The following NCKAP5 variants were observed in gnomAD, a reference collection of about 807,000 sequenced individuals.
NCKAP5 encodes nck-associated protein 5.
NCKAP5 carries 92 observed loss-of-function variants against 167.0 expected under a neutral mutation model. That is an observed-to-expected ratio of 0.55 (90% CI 0.47 to 0.66). The LOEUF (loss-of-function observed/expected upper bound fraction) is 0.66. NCKAP5 is among the 30% of genes least tolerant of loss of function. The pLI is 0.00. For synonymous variants in NCKAP5, 891 were observed against 877.4 expected, an observed-to-expected ratio of 1.02 and a Z score of -0.27; for missense variants, 2,378 against 2,315.0, an observed-to-expected ratio of 1.03 and a Z score of -0.56.
chr2:132,918,829 T>G (rs990132511), intron 8 of NCKAP5, among the ~76,000 whole-genome samples: 2 of 152,202 alleles, frequency 1.3e-5, no homozygotes, highest in African/African-American at 4.8e-5. Context: ...GCTTCCTGAA[T>G]TACATAGTAA....
chr2:133,544,823 A>C (rs1686524174), intron 2 of NCKAP5, among the ~76,000 whole-genome samples: 1 of 152,226 alleles, frequency 6.6e-6, no homozygotes, highest in Admixed American at 6.5e-5. Flanking sequence ...TCAGTTCAGA[A>C]AGGCAGAGAA....
At chr2:133,566,679 A>G (rs1271897231) in intron 1 of NCKAP5, among the ~76,000 whole-genome samples, 1 of 152,164 alleles carries the variant, frequency 6.6e-6, no homozygotes. Context: ...CAGGAAGCTC[A>G]GTTTCTAGTT....
chr2:132,752,994 T>G (rs905109870), intron 16 of NCKAP5, among the ~76,000 whole-genome samples: 6 of 152,214 alleles, frequency 3.9e-5, no homozygotes, highest in Non-Finnish European at 8.8e-5. Context: ...TTCAACTGAT[T>G]GGATAAGGCC....
At chr2:132,711,347 A>G (rs1268738975) in intron 19 of NCKAP5, among the ~76,000 whole-genome samples, 1 of 152,352 alleles carries the variant, frequency 6.6e-6, no homozygotes, top group East Asian at 1.9e-4. Context: ...AAATTTATTT[A>G]TAATAATAAC....
chr2:133,047,852 AG>A, intron 6 of NCKAP5, among the ~76,000 whole-genome samples: 1 of 152,336 alleles, frequency 6.6e-6, no homozygotes, highest in Admixed American at 6.5e-5. Context: ...GCACTGGCAA[AG>A]CTTGTTACAG....
intron 5 of NCKAP5, among the ~76,000 whole-genome samples, chr2:133,198,622 C>T (rs1016761940): frequency 2.6e-5 from 4 of 151,966 alleles, no homozygotes; most frequent in Non-Finnish European, 5.9e-5. Flanking sequence ...TCAAATATTG[C>T]TGAGAGATAT....
intron 8 of NCKAP5, among the ~76,000 whole-genome samples, chr2:132,909,003 A>T (rs544888420): frequency 6.6e-6 from 1 of 152,296 alleles, no homozygotes; most frequent in African/African-American, 2.4e-5. Context: ...TCTTGGTGTG[A>T]TCAACTTATG....
At chr2:132,932,514 A>C (rs1215019024) in intron 8 of NCKAP5, among the ~76,000 whole-genome samples, 1 of 152,194 alleles carries the variant, frequency 6.6e-6, no homozygotes, top group East Asian at 1.9e-4. Flanking sequence ...AAGTCCAAAC[A>C]AGGTCTTTAA....
At chr2:133,444,507 G>A (rs1370054366) in intron 3 of NCKAP5, among the ~76,000 whole-genome samples, 1 of 151,958 alleles carries the variant, frequency 6.6e-6, no homozygotes, top group Non-Finnish European at 1.5e-5. Context: ...GACTTGGCTT[G>A]TCCCTCTCTC....
chr2:132,887,071 A>C (rs753470009), intron 8 of NCKAP5, among the ~76,000 whole-genome samples: 3 of 152,150 alleles, frequency 2.0e-5, no homozygotes, highest in African/African-American at 7.2e-5. Context: ...TTTCTCCACT[A>C]TAAAATTATT....
intron 6 of NCKAP5, among the ~76,000 whole-genome samples, chr2:133,022,749 T>A (rs754664): frequency 6.6e-6 from 1 of 152,006 alleles, no homozygotes; most frequent in African/African-American, 2.4e-5. Context: ...TTTCCTTCCT[T>A]TGATGCCCTA....
intron 8 of NCKAP5, among the ~76,000 whole-genome samples, chr2:132,888,587 C>A (rs145622611): frequency 2.9e-3 from 437 of 152,160 alleles, no homozygotes; most frequent in African/African-American, 0.01. Flanking sequence ...GATGGGACTT[C>A]ACCATGTTGG....
At chr2:132,847,910 G>A (rs1001655574) in intron 11 of NCKAP5, among the ~76,000 whole-genome samples, 1 of 152,188 alleles carries the variant, frequency 6.6e-6, no homozygotes, top group Admixed American at 6.5e-5. Context: ...ATTGGGAAGA[G>A]AAATTAGAGA....
chr2:132,790,208 G>C lies in NCKAP5; in HGVS notation c.910-3C>G. 6.2e-7 allele frequency: 1 copy of C among 1,609,116 alleles called. No individual in the cohort carries two copies. Among genetic ancestry groups the C allele is most frequent in the Non-Finnish European group, 8.5e-7 (1 of 1,177,724 alleles). ...GATTTTGTATTTAGTTGGTGTTCCTGAAAAAGCAGGACAGCTCTGAGCAAG... is the reference window on the plus strand; with the variant it reads ...GATTTTGTATTTAGTTGGTGTTCCTCAAAAAGCAGGACAGCTCTGAGCAAG... On this transcript the variant is annotated splice_region_variant and splice_polypyrimidine_tract_variant and intron_variant, in intron 12 of 19. Transcript: ENST00000409261.
intron 3 of NCKAP5, among the ~76,000 whole-genome samples, chr2:133,351,515 C>T (rs931211577): frequency 6.6e-5 from 10 of 152,276 alleles, no homozygotes; most frequent in South Asian, 6.2e-4. Context: ...GCTTAACACA[C>T]ACATCATTAG....
intron 3 of NCKAP5, among the ~76,000 whole-genome samples, chr2:133,343,203 T>G (rs1683713800): frequency 6.6e-6 from 1 of 152,238 alleles, no homozygotes; most frequent in Non-Finnish European, 1.5e-5. Flanking sequence ...AAACTTATCA[T>G]GTTATGTCAC....
intron 5 of NCKAP5, among the ~76,000 whole-genome samples, chr2:133,141,155 T>C (rs571906372): frequency 6.6e-6 from 1 of 152,250 alleles, no homozygotes; most frequent in South Asian, 2.1e-4. Context: ...ACTCCACAGA[T>C]ACATTTCTCT....
intron 9 of NCKAP5, among the ~76,000 whole-genome samples, chr2:132,878,190 C>T (rs1691436667): frequency 6.6e-6 from 1 of 152,140 alleles, no homozygotes; most frequent in Non-Finnish European, 1.5e-5. Flanking sequence ...TCTGTTTTCT[C>T]CTCACCTCCC....
At chr2:133,236,615 C>A (rs1312238449) in intron 4 of NCKAP5, among the ~76,000 whole-genome samples, 1 of 152,082 alleles carries the variant, frequency 6.6e-6, no homozygotes, top group African/African-American at 2.4e-5. Flanking sequence ...TCACTTAAGT[C>A]AATACATTAG....
Sources: gnomAD v4.1 joint callset for allele counts (sites outside exome capture counted in the v4.1 genomes callset) on GRCh38, gnomAD v4.1.1 for gene constraint, MANE v1.5 for transcripts, NCBI Gene and HGNC (gene_info 2026-07-23, HGNC 2026-07-21) for gene names.